PTPN2: variants seen among roughly 807,000 people sequenced by gnomAD.
PTPN2 encodes tyrosine-protein phosphatase non-receptor type 2.
In PTPN2, 19 loss-of-function variants were observed where a neutral mutation model predicts 57.3. The ratio of observed to expected loss-of-function variants is 0.33; its 90% CI spans 0.23 to 0.49. PTPN2 has a LOEUF of 0.49. Ranked by LOEUF, PTPN2 falls within the 20% of genes least tolerant of loss-of-function variation. PTPN2 has a pLI of 0.99. For synonymous variants in PTPN2, 153 were observed against 164.9 expected (o/e 0.93, Z 0.55); for missense variants, 358 against 501.1 (o/e 0.71, Z 2.73).
chr18:12,840,637 G>A, intron 2 of PTPN2: 2 of 1,507,342 alleles, frequency 1.3e-6, no homozygotes, highest in Non-Finnish European at 9.0e-7. Flanking sequence ...CTGTCACTCA[G>A]GGAAGTCAAG....
intron 7 of PTPN2, among the ~76,000 whole-genome samples, chr18:12,810,760 T>C (rs1046528533): frequency 1.3e-5 from 2 of 152,166 alleles, no homozygotes; most frequent in Non-Finnish European, 2.9e-5. Flanking sequence ...GAGATGAGGC[T>C]GGAAAGGAAA....
At chr18:12,862,923 C>T (rs930259637) in intron 1 of PTPN2, among the ~76,000 whole-genome samples, 11 of 129,138 alleles carry the variant, frequency 8.5e-5, no homozygotes, top group Non-Finnish European at 1.2e-4. Flanking sequence ...CTGTAATATA[C>T]GCAGCAAAAC....
intron 5 of PTPN2, chr18:12,819,242 A>G (rs759445885): frequency 6.9e-7 from 1 of 1,455,832 alleles, no homozygotes; most frequent in South Asian, 1.3e-5. Flanking sequence ...ATCCAGCATT[A>G]ATAATTTCAA....
chr18:12,835,174 C>A (rs1367269867), intron 3 of PTPN2, among the ~76,000 whole-genome samples: 1 of 151,994 alleles, frequency 6.6e-6, no homozygotes, highest in Non-Finnish European at 1.5e-5. Context: ...ATTTTTAACT[C>A]TAAATAGTAG....
At chr18:12,865,241 T>C (rs945797562) in intron 1 of PTPN2, among the ~76,000 whole-genome samples, 1 of 151,868 alleles carries the variant, frequency 6.6e-6, no homozygotes, top group South Asian at 2.1e-4. Flanking sequence ...GAGACCAGTC[T>C]GGGCAACACA....
downstream of PTPN2, among the ~76,000 whole-genome samples, chr18:12,791,556 G>A (rs1263378270): frequency 3.3e-5 from 5 of 152,010 alleles, no homozygotes; most frequent in Admixed American, 2.0e-4. Flanking sequence ...TAAAAAGTCA[G>A]GACTTTTTAT....
chr18:12,827,660 T>C (rs2042524328), intron 4 of PTPN2, among the ~76,000 whole-genome samples: 1 of 151,508 alleles, frequency 6.6e-6, no homozygotes, highest in African/African-American at 2.4e-5. Context: ...GCTGGGATTA[T>C]AGGTGTAAGC....
intron 2 of PTPN2, among the ~76,000 whole-genome samples, chr18:12,854,329 C>A (rs977144483): frequency 7.2e-6 from 1 of 139,858 alleles, no homozygotes; most frequent in Non-Finnish European, 1.5e-5. Flanking sequence ...CACTGCACTC[C>A]AGCCTGAGTG....
rs531038472 is a variant in PTPN2 at position 12,802,147 on chromosome 18, C to T, written c.863G>A (p.Arg288Gln). ...CIKGDSSIQK[R>Q]WKELSKEDLS... is the part of the protein sequence containing the mutation. The stretch of plus-strand genomic sequence containing the variant: ...GTCTTCCTTAGAAAGTTCTTTCCAT[C>T]GTTTCTAGGTAGGGAAGAGAAATGA... Residue 288 changes from arginine (R) to glutamine (Q), a missense_variant, in exon 8 of 9, where the codon CGA becomes CAA. By Grantham distance (43) the Arg-to-Gln change is conservative. This residue lies in a region of PTPN2 where 193 missense variants were observed against 315.4 expected (regional missense o/e 0.61). Transcript: ENST00000309660. 1.1e-5 allele frequency: 17 copies of T among 1,600,748 alleles called. 1 individual carries two copies. The highest frequency in any genetic ancestry group is 7.9e-5 in the South Asian group (7 of 88,300).
intron 4 of PTPN2, among the ~76,000 whole-genome samples, chr18:12,830,483 T>C (rs2042633925): frequency 6.6e-6 from 1 of 152,140 alleles, no homozygotes; most frequent in African/African-American, 2.4e-5. Flanking sequence ...CCCCTGTAAA[T>C]GACTATGCTG....
intron 2 of PTPN2, among the ~76,000 whole-genome samples, chr18:12,847,048 C>CA (rs11432890): frequency 0.95 from 138,386 of 145,996 alleles, 65,811 homozygotes; most frequent in East Asian, 0.99. Flanking sequence ...TTTGTCAGTC[C>CA]AAAAAAAAAA....
chr18:12,874,363 G>A (rs866647548), intron 1 of PTPN2, among the ~76,000 whole-genome samples: 20 of 140,250 alleles, frequency 1.4e-4, no homozygotes, highest in African/African-American at 3.5e-4. Flanking sequence ...GCCTCTGCCC[G>A]GCCGCCCCTA....
intron 6 of PTPN2, among the ~76,000 whole-genome samples, chr18:12,815,397 C>T (rs186297575): frequency 2.0e-5 from 3 of 151,398 alleles, no homozygotes; most frequent in Admixed American, 6.6e-5. Flanking sequence ...GGCAACAGAG[C>T]GAAACTTCGT....
chr18:12,809,570 A>AT (rs1412857941), intron 7 of PTPN2, among the ~76,000 whole-genome samples: 1 of 152,198 alleles, frequency 6.6e-6, no homozygotes, highest in Non-Finnish European at 1.5e-5. Context: ...ACTGGCCCAA[A>AT]TGACTTGGTA....
intron 1 of PTPN2, among the ~76,000 whole-genome samples, chr18:12,881,937 T>C (rs2044679039): frequency 6.6e-6 from 1 of 152,170 alleles, no homozygotes; most frequent in African/African-American, 2.4e-5. Context: ...ATAACAAGCA[T>C]GTTATGAACG....
chr18:12,830,205 A>G (rs1487926702), intron 4 of PTPN2, among the ~76,000 whole-genome samples: 1 of 151,884 alleles, frequency 6.6e-6, no homozygotes, highest in East Asian at 1.9e-4. Context: ...GTTGAGGTGC[A>G]GTGGCACAAT....
intron 3 of PTPN2, among the ~76,000 whole-genome samples, chr18:12,832,673 C>A (rs775776587): frequency 4.9e-4 from 75 of 152,264 alleles, no homozygotes; most frequent in Admixed American, 1.0e-3. Context: ...AAAATGAATA[C>A]CTTTTTCTTT....
intron 2 of PTPN2, among the ~76,000 whole-genome samples, chr18:12,854,442 A>G (rs1291028525): frequency 6.6e-6 from 1 of 152,124 alleles, no homozygotes; most frequent in East Asian, 1.9e-4. Flanking sequence ...GTGGGAAATG[A>G]ATGAGGGAAG....
rs182970282 is a variant in PTPN2, at chr18:12,855,895, C to A, written c.160+3269G>T. ...GAGGACAAAGTAATATGCTTCACTA[C>A]ATTTTTTAATCGAAATTTCAATTCA... On this transcript the variant is annotated intron_variant, in intron 2 of 8. Transcript: ENST00000309660. 7.2e-5 allele frequency among the ~76,000 whole-genome samples: 11 copies of A among 152,290 alleles called. No homozygotes were observed. In the East Asian group the frequency reaches 1.9e-3, roughly 27 times the overall value.
Sources: gnomAD v4.1 joint callset for allele counts (sites outside exome capture counted in the v4.1 genomes callset) on GRCh38, gnomAD v4.1.1 for gene constraint, gnomAD v4.1.1 regional missense constraint, MANE v1.5 for transcripts, NCBI Gene and HGNC (gene_info 2026-07-23, HGNC 2026-07-21) for gene names.